UBE2O: variants seen among roughly 807,000 people sequenced by gnomAD.
UBE2O encodes the protein (E3-independent) E2 ubiquitin-conjugating enzyme.
A neutral mutation model predicts 125.8 loss-of-function variants in UBE2O; 15 were observed. The observed-to-expected ratio is 0.12, with a 90% confidence interval of 0.08 to 0.18. The LOEUF (loss-of-function observed/expected upper bound fraction) is 0.18. Ranked by LOEUF, UBE2O falls within the 10% of genes least tolerant of loss-of-function variation. UBE2O has a pLI of 1.00. For synonymous variants in UBE2O, 708 were observed against 703.2 expected, an observed-to-expected ratio of 1.01 and a Z score of -0.11; for missense variants, 1,280 against 1,723.6, an observed-to-expected ratio of 0.74 and a Z score of 4.56.
intron 1 of UBE2O, among the ~76,000 whole-genome samples, chr17:76,424,178 G>A: frequency 6.7e-6 from 1 of 148,932 alleles, no homozygotes; most frequent in Non-Finnish European, 1.5e-5. Context: ...AAAGTGCTGG[G>A]ATTACAGGCG....
intron 1 of UBE2O, among the ~76,000 whole-genome samples, chr17:76,415,961 G>T (rs142414938): frequency 3.3e-4 from 50 of 151,588 alleles, no homozygotes; most frequent in African/African-American, 1.2e-3. Flanking sequence ...GCACATACAC[G>T]TATATACGTA....
At chr17:76,432,242 C>T (rs1342062375) in intron 1 of UBE2O, among the ~76,000 whole-genome samples, 5 of 152,076 alleles carry the variant, frequency 3.3e-5, no homozygotes, top group African/African-American at 9.7e-5. Flanking sequence ...TGTCTTAGAC[C>T]CGTCAAACTG....
Position 76,439,248 on chromosome 17 carries a change from G to A in UBE2O, c.417+13477C>T, listed in dbSNP as rs191366257. On this transcript the variant is annotated intron_variant, in intron 1 of 17. Coordinates refer to ENST00000319380, the MANE Select transcript of UBE2O (RefSeq NM_022066.4). ...TCTCCAGTGACTGTGCCTAGAACGC[G>A]GCAGGTGCCAACAAACCTTTGTTGT... Among the ~76,000 whole-genome samples the A allele has an allele frequency of 9.3e-4, 141 of 152,244 alleles. 2 individuals are homozygous for A. In the East Asian group the frequency reaches 0.017, roughly 18 times the overall value.
At position 76,396,330 on chromosome 17, in the gene UBE2O, G is replaced by T; in HGVS notation, c.2607C>A (p.Asp869Glu). Residue 869 changes from aspartate to glutamate, a missense_variant, in exon 14 of 18, where the codon GAC (aspartate) becomes GAA (glutamate). Transcript: ENST00000319380. This position sits in a 1 kb window ranked among gnomAD's most constrained non-coding sequence, Gnocchi z 6.7. The part of the protein sequence containing the change: ...KLQENLKKTL[D>E]NVAIVEEEKM... The stretch of plus-strand genomic sequence containing the variant: ...TCTCCTCCTCTACAATGGCCACATT[G>T]TCCAGGGTCTTCTTGAGGTTTTCCT... 6.2e-7 allele frequency: 1 copy of T among 1,614,218 alleles called. No homozygotes were observed. The highest frequency in any genetic ancestry group is 8.5e-7 in the Non-Finnish European group (1 of 1,180,042).
chr17:76,408,727 GC>G (rs1231468209), intron 1 of UBE2O, among the ~76,000 whole-genome samples: 1 of 152,218 alleles, frequency 6.6e-6, no homozygotes, highest in East Asian at 1.9e-4. Context: ...ACAGGTGCCA[GC>G]CGGCCTGGCA....
chr17:76,438,792 G>A (rs73996382), intron 1 of UBE2O, among the ~76,000 whole-genome samples: 3,734 of 152,160 alleles, frequency 0.025, 76 homozygotes, highest in African/African-American at 0.054. Context: ...CACTGAATAC[G>A]GAATGAAGAT....
At position 76,396,336 on chromosome 17, in the gene UBE2O, G is replaced by A. The variant is rs1280962639; in HGVS notation, c.2601C>T (p.Thr867=). ...CCTCTACAATGGCCACATTGTCCAG[G>A]GTCTTCTTGAGGTTTTCCTGTAGCT... ...IKKLQENLKK[T]LDNVAIVEEE... Residue 867 remains threonine (T), a synonymous_variant, in exon 14 of 18, where the codon ACC becomes ACT. Transcript: ENST00000319380. This position sits in a 1 kb window ranked among gnomAD's most constrained non-coding sequence, Gnocchi z 6.7. 17 of 1,614,160 alleles carry A rather than the reference G, an allele frequency of 1.1e-5. No homozygotes were observed. The highest frequency in any genetic ancestry group is 1.4e-5 in the Non-Finnish European group (17 of 1,180,026).
At chr17:76,430,593 T>C (rs185459435) in intron 1 of UBE2O, 491 of 314,424 alleles carry the variant, frequency 1.6e-3, no homozygotes, top group Non-Finnish European at 2.7e-3. Context: ...ATATTGACCA[T>C]GAGACTGATC....
In UBE2O at chr17:76,402,587, G is replaced by A. The variant is rs780657034; in HGVS notation, c.686+15C>T. ...TCCTTCCCAAGCCGATGGCTCTCTG[G>A]TGGTGAGACTCTACCTGGCGCCGTT... On this transcript the variant is annotated intron_variant, in intron 4 of 17. Coordinates refer to ENST00000319380, the MANE Select transcript of UBE2O (RefSeq NM_022066.4). The surrounding 1 kb of genome is among the most constrained non-coding windows in gnomAD (Gnocchi z 5.4). 6.2e-7 allele frequency: 1 copy of A among 1,610,054 alleles called. No homozygotes were observed. The highest frequency in any genetic ancestry group is 1.7e-5 in the Admixed American group (1 of 60,008).
intron 1 of UBE2O, among the ~76,000 whole-genome samples, chr17:76,448,853 G>A (rs554075244): frequency 1.3e-5 from 2 of 152,352 alleles, no homozygotes; most frequent in Admixed American, 1.3e-4. Flanking sequence ...TTATTCAAAG[G>A]ATGACTGGTG....
chr17:76,412,734 G>C (rs1236140217), intron 1 of UBE2O, among the ~76,000 whole-genome samples: 1 of 152,236 alleles, frequency 6.6e-6, no homozygotes, highest in African/African-American at 2.4e-5. Context: ...ACTCGGCCGG[G>C]CGCAGTGGCT....
chr17:76,392,768 C>T lies in UBE2O; in HGVS notation c.2947-655G>A, dbSNP rs184625791. 2.4e-3 allele frequency among the ~76,000 whole-genome samples: 360 copies of T among 151,980 alleles called. 5 individuals carry two copies. The highest frequency in any genetic ancestry group is 3.5e-4 in the Non-Finnish European group (24 of 67,990). On this transcript the variant is annotated intron_variant, in intron 15 of 17. Transcript: ENST00000319380. The stretch of plus-strand genomic sequence containing the variant: ...AGGAGTTCAAGAGCAGTCTGGCCAA[C>T]GTGGTGAAACCCCGTCTCTACTAAA...
At chr17:76,426,912 ACTT>A (rs947618849) in intron 1 of UBE2O, among the ~76,000 whole-genome samples, 8 of 149,880 alleles carry the variant, frequency 5.3e-5, no homozygotes, top group Non-Finnish European at 1.2e-4. Context: ...AGTAAATACA[ACTT>A]TTTTTTTTTT....
chr17:76,453,151 G>C lies in UBE2O; in HGVS notation c.-10C>G, dbSNP rs1003271912. 1 of 566,662 alleles carries C rather than the reference G, an allele frequency of 1.8e-6. No individual in the cohort carries two copies. Among genetic ancestry groups the C allele is most frequent in the Admixed American group, 4.5e-5 (1 of 22,460 alleles). The allele number at this position is 566,662 out of a possible 1,614,324, so 35.1% of individuals were successfully genotyped here. On this transcript the variant is annotated 5_prime_UTR_variant, in exon 1 of 18. Transcript: ENST00000319380. ...CTGCGGGATCCGCCATAACTGCTCT[G>C]CGCGAGTCTCGGGCGGCGGCGGCGA... is the stretch of plus-strand genomic sequence containing the variant.
chr17:76,451,754 A>T (rs2073246920), intron 1 of UBE2O, among the ~76,000 whole-genome samples: 1 of 149,252 alleles, frequency 6.7e-6, no homozygotes, highest in South Asian at 2.1e-4. Context: ...AGTAGGAGAG[A>T]AAGAAGGGGT....
Position 76,398,682 on chromosome 17 carries a change from C to T in UBE2O, c.1784-98G>A, listed in dbSNP as rs989928278. 7.5e-6 allele frequency: 11 copies of T among 1,474,460 alleles called. No homozygotes were observed. The highest frequency in any genetic ancestry group is 2.4e-5 in the South Asian group (2 of 83,304). 91.3% of individuals were successfully genotyped at this position (1,474,460 alleles called of 1,614,324 possible). On this transcript the variant is annotated intron_variant, in intron 10 of 17. Coordinates refer to ENST00000319380, the MANE Select transcript of UBE2O (RefSeq NM_022066.4). This position sits in a 1 kb window ranked among gnomAD's most constrained non-coding sequence, Gnocchi z 5.4. ...AGAGTGCAGAACCCTGACCTTCCCC[C>T]GTCTTGGAAGTGGTGAGACCCCTTC... is the stretch of plus-strand genomic sequence containing the variant.
intron 1 of UBE2O, among the ~76,000 whole-genome samples, chr17:76,437,202 G>A (rs929398269): frequency 2.0e-5 from 3 of 149,586 alleles, no homozygotes; most frequent in African/African-American, 7.4e-5. Context: ...GGTAATCCCA[G>A]CACTTTGGGA....
chr17:76,411,855 AT>A (rs375915007), intron 1 of UBE2O, among the ~76,000 whole-genome samples: 1 of 151,246 alleles, frequency 6.6e-6, no homozygotes, highest in South Asian at 2.1e-4. Context: ...GGCTAATTTT[AT>A]TTTTTTTGTA....
At chr17:76,408,572 A>G (rs2143745941) in intron 1 of UBE2O, among the ~76,000 whole-genome samples, 1 of 152,334 alleles carries the variant, frequency 6.6e-6, no homozygotes, top group Admixed American at 6.5e-5. Flanking sequence ...ACATTTAAAG[A>G]CAGTGATTCT....
Sources: allele counts gnomAD v4.1 joint callset (sites outside exome capture counted in the v4.1 genomes callset), GRCh38; gene constraint gnomAD v4.1.1; non-coding constraint Gnocchi (gnomAD v3.1); transcripts MANE v1.5; gene names NCBI Gene and HGNC (gene_info 2026-07-23, HGNC 2026-07-21).